Variants in OR51B5 observed in about 807,000 individuals in gnomAD.
OR51B5 encodes olfactory receptor family 51 subfamily B member 5.
For synonymous variants in OR51B5, 186 were observed against 144.8 expected, an observed-to-expected ratio of 1.28 and a Z score of -2.04; for missense variants, 456 against 374.6, an observed-to-expected ratio of 1.22 and a Z score of -1.79.
At chr11:5,438,181 A>G (rs1366517974) in intron 1 of OR51B5, among the ~76,000 whole-genome samples, 1 of 152,148 alleles carries the variant, frequency 6.6e-6, no homozygotes, top group Non-Finnish European at 1.5e-5. Context: ...TGGCAAGGAG[A>G]GGCAGGGCTT....
At chr11:5,385,947 T>C (rs1589967585) in intron 1 of OR51B5, among the ~76,000 whole-genome samples, 3 of 149,264 alleles carry the variant, frequency 2.0e-5, no homozygotes, top group East Asian at 3.9e-4. Flanking sequence ...GTATGTTCTA[T>C]ATATATATCA....
chr11:5,410,727 C>A (rs1850135731), intron 1 of OR51B5, among the ~76,000 whole-genome samples: 1 of 152,138 alleles, frequency 6.6e-6, no homozygotes, highest in Admixed American at 6.6e-5. Flanking sequence ...CCAAAAGATC[C>A]TCCAGTGGAA....
At chr11:5,458,586 G>C (rs914809721) in intron 1 of OR51B5, among the ~76,000 whole-genome samples, 1 of 152,090 alleles carries the variant, frequency 6.6e-6, no homozygotes, top group Non-Finnish European at 1.5e-5. Context: ...TCCTATCCAC[G>C]GGCATGAAAT....
At chr11:5,350,777 G>A (rs771320544) in intron 1 of OR51B5, among the ~76,000 whole-genome samples, 24 of 152,268 alleles carry the variant, frequency 1.6e-4, no homozygotes, top group African/African-American at 2.6e-4. Context: ...TTGAAGCAGT[G>A]TATCAATAAC....
chr11:5,343,483 A>G (rs2133678854), exon 1 of OR51B5: 1 of 1,399,338 alleles, frequency 7.1e-7, no homozygotes, highest in South Asian at 1.2e-5. Context: ...AGCCTGGAAA[A>G]CCAGTCAATA....
intron 1 of OR51B5, among the ~76,000 whole-genome samples, chr11:5,491,821 T>C (rs529894647): frequency 6.6e-6 from 1 of 152,200 alleles, no homozygotes. Context: ...GTTTTACCTA[T>C]GCACTAAAAA....
intron 1 of OR51B5, among the ~76,000 whole-genome samples, chr11:5,478,678 A>G (rs1159655720): frequency 1.3e-5 from 2 of 151,598 alleles, no homozygotes; most frequent in Admixed American, 1.3e-4. Context: ...GAGCTGATGG[A>G]GCTGAAAACC....
At chr11:5,384,199 A>T (rs1223298732) in intron 1 of OR51B5, among the ~76,000 whole-genome samples, 2 of 152,026 alleles carry the variant, frequency 1.3e-5, no homozygotes, top group Admixed American at 6.6e-5. Flanking sequence ...TTTAGAAATG[A>T]GGTCTAGCTC....
intron 1 of OR51B5, among the ~76,000 whole-genome samples, chr11:5,374,037 T>TCCCTGAC (rs1197920570): frequency 6.6e-6 from 1 of 152,072 alleles, no homozygotes; most frequent in Non-Finnish European, 1.5e-5. Flanking sequence ...CTCAAGTGGG[T>TCCCTGAC]CCCTGACCCC....
intron 1 of OR51B5, chr11:5,389,917 C>T (rs923901224): frequency 2.5e-6 from 4 of 1,611,736 alleles, no homozygotes; most frequent in East Asian, 2.2e-5. Context: ...CTATTGTCCT[C>T]CTCCTGAAGG....
At chr11:5,454,517 T>C in intron 1 of OR51B5, 5 of 1,129,784 alleles carry the variant, frequency 4.4e-6, no homozygotes, top group Admixed American at 2.3e-5. Flanking sequence ...TAAGATAGAT[T>C]GTGTGCTGCG....
intron 1 of OR51B5, chr11:5,489,861 T>G: frequency 1.8e-6 from 1 of 563,598 alleles, no homozygotes; most frequent in Non-Finnish European, 3.1e-6. Context: ...CTTGGGGAAC[T>G]CTGAATACCC....
intron 1 of OR51B5, among the ~76,000 whole-genome samples, chr11:5,448,326 T>C (rs1037605400): frequency 6.6e-6 from 1 of 152,190 alleles, no homozygotes; most frequent in Non-Finnish European, 1.5e-5. Flanking sequence ...TAGATGTTAA[T>C]CTAAATGAAT....
chr11:5,351,689 T>G (rs748110031), intron 1 of OR51B5: 17 of 1,614,156 alleles, frequency 1.1e-5, no homozygotes, highest in Middle Eastern at 3.3e-4. Flanking sequence ...TACTATTTCT[T>G]AGCTATGTTG....
chr11:5,467,692 C>G (rs1206278215), intron 1 of OR51B5, among the ~76,000 whole-genome samples: 1 of 152,244 alleles, frequency 6.6e-6, no homozygotes, highest in Non-Finnish European at 1.5e-5. Context: ...TATCCCTCTT[C>G]TGCTCAGGCA....
intron 1 of OR51B5, chr11:5,489,471 C>T (rs765957488): frequency 5.0e-6 from 8 of 1,613,928 alleles, no homozygotes; most frequent in Non-Finnish European, 6.8e-6. Context: ...TGGTTTTCTA[C>T]ATCCCTGCCT....
intron 1 of OR51B5, among the ~76,000 whole-genome samples, chr11:5,425,539 G>A (rs1459811305): frequency 6.6e-6 from 1 of 152,136 alleles, no homozygotes; most frequent in Non-Finnish European, 1.5e-5. Context: ...GGCGAGGGGA[G>A]GAGGGCTTTA....
At chr11:5,408,898 AC>A (rs1346690290) in intron 1 of OR51B5, among the ~76,000 whole-genome samples, 3 of 152,154 alleles carry the variant, frequency 2.0e-5, no homozygotes, top group African/African-American at 7.2e-5. Flanking sequence ...CCTCAAAATC[AC>A]CAAAAACAAG....
chr11:5,500,319 G>GATTA (rs1851699966), intron 1 of OR51B5, among the ~76,000 whole-genome samples: 1 of 152,126 alleles, frequency 6.6e-6, no homozygotes, highest in African/African-American at 2.4e-5. Context: ...TAAGTAAAAG[G>GATTA]ATTAACAAAA....
Sources: gnomAD v4.1 joint callset for allele counts (sites outside exome capture counted in the v4.1 genomes callset) on GRCh38, gnomAD v4.1.1 for gene constraint, MANE v1.5 for transcripts, NCBI Gene and HGNC (gene_info 2026-07-23, HGNC 2026-07-21) for gene names.